Variants in BEST1 observed in about 807,000 individuals in gnomAD.
BEST1 encodes the protein bestrophin 1, also known as bestrophin-1.
A neutral mutation model predicts 63.3 loss-of-function variants in BEST1; 58 were observed. The ratio of observed to expected loss-of-function variants is 0.92; its 90% CI spans 0.74 to 1.14. BEST1 has a LOEUF of 1.14. BEST1 is among the 50% of genes most tolerant of loss of function. The pLI, the probability that BEST1 is intolerant of heterozygous loss-of-function variation, is 0.00. For missense variants in BEST1, 671 were observed against 740.1 expected (o/e 0.91, Z 1.08); for synonymous variants, 283 against 291.6 (o/e 0.97, Z 0.30).
Position 61,955,743 on chromosome 11 carries a change from C to G in BEST1, c.273C>G (p.Thr91=). Residue 91 remains threonine, a synonymous_variant, in exon 4 of 11, where the codon ACC becomes ACG. Transcript: ENST00000378043. ...VLGFYVTLVV[T]RWWNQYENLP... ...GCTTCTACGTGACGCTGGTCGTGACCCGCTGGTGGAACCAGTACGAGAACC... is the reference window on the plus strand; with the variant it reads ...GCTTCTACGTGACGCTGGTCGTGACGCGCTGGTGGAACCAGTACGAGAACC... 2 of 1,548,470 alleles carry G rather than the reference C, an allele frequency of 1.3e-6. No individual in the cohort carries two copies. The highest frequency in any genetic ancestry group is 2.4e-5 in the South Asian group (2 of 83,982).
intron 9 of BEST1, chr11:61,961,007 T>C (rs1391485653): frequency 6.6e-6 from 1 of 151,052 alleles, no homozygotes; most frequent in African/African-American, 2.5e-5. Flanking sequence ...AGTGCTGTTC[T>C]CGCTTGTTCT....
Position 61,957,445 on chromosome 11 carries a change from TC to T in BEST1, c.698del (p.Pro233HisfsTer8). On this transcript the variant is annotated frameshift_variant, in exon 6 of 11. Transcript: ENST00000378043. LOFTEE classifies it high-confidence loss of function. ...GHLYAYDWISIPLVYTQVVTV... is the reference protein window; with the variant it reads ...GHLYAYDWISXPLVYTQVVTV... ...CTGTATGCCTACGACTGGATTAGTA[TC>T]CCACTGGTGTATACACAGGTGAGGA... is the stretch of plus-strand genomic sequence containing the variant. The T allele has an allele frequency of 6.2e-7, 1 of 1,614,118 alleles. No homozygotes were observed. The highest frequency in any genetic ancestry group is 8.5e-7 in the Non-Finnish European group (1 of 1,180,002).
Position 61,962,243 on chromosome 11 carries a change from G to A in BEST1, c.1101-12G>A, listed in dbSNP as rs558172229. 3 of 1,613,676 alleles carry A rather than the reference G, an allele frequency of 1.9e-6. No homozygotes were observed. The highest frequency in any genetic ancestry group is 4.5e-5 in the East Asian group (2 of 44,878). On this transcript the variant is annotated splice_polypyrimidine_tract_variant and intron_variant, in intron 9 of 10. Coordinates refer to ENST00000378043, the MANE Select transcript of BEST1 (RefSeq NM_004183.4). ...CCACTGGCTCAGCCCTGCATCTCCT[G>A]TTTCTTTCCAGCCTGAACAAAGAGG...
At chr11:61,952,303 AAG>A (rs35510371) in intron 2 of BEST1, among the ~76,000 whole-genome samples, 57,409 of 146,690 alleles carry the variant, frequency 0.39, 14,269 homozygotes, top group Middle Eastern at 0.61. Flanking sequence ...TACATTAAAA[AAG>A]AGAGAGAGAG....
chr11:61,963,180 C>G, intron 10 of BEST1: 2 of 1,441,586 alleles, frequency 1.4e-6, no homozygotes, highest in Non-Finnish European at 1.8e-6. Context: ...TGCTGGAGAA[C>G]TGCCCCAGGG....
intron 3 of BEST1, chr11:61,955,489 G>T: frequency 8.4e-7 from 1 of 1,188,446 alleles, no homozygotes; most frequent in Non-Finnish European, 1.1e-6. Context: ...GGGTCTGGCG[G>T]ATTTCTGGGA....
Position 61,964,185 on chromosome 11 carries a change from A to G in BEST1, c.*63A>G, listed in dbSNP as rs1318990229. The stretch of plus-strand genomic sequence containing the variant: ...TCACCTGTGTGTACACCAGCAGGAC[A>G]CTGATCCAGTCACAGCCATACAGCT... On this transcript the variant is annotated 3_prime_UTR_variant, in exon 11 of 11. Transcript: ENST00000378043. The G allele has an allele frequency of 3.1e-6, 5 of 1,611,878 alleles. No individual in the cohort carries two copies. Among genetic ancestry groups the G allele is most frequent in the Non-Finnish European group, 4.2e-6 (5 of 1,179,344 alleles).
At chr11:61,958,342 G>A (rs1195105063) in intron 7 of BEST1, 44 bp downstream of exon 7, 2 of 1,613,836 alleles carry the variant, frequency 1.2e-6, no homozygotes, top group African/African-American at 1.3e-5. Flanking sequence ...CATGGCCAGA[G>A]GGGTCATGGC....
At chr11:61,962,919 C>A in intron 10 of BEST1, 26 bp downstream of exon 10, 1 of 1,614,204 alleles carries the variant, frequency 6.2e-7, no homozygotes, top group Non-Finnish European at 8.5e-7. Flanking sequence ...GAACCAGGGG[C>A]ACTGCATTGC....
chr11:61,958,907 T>TACACAC lies in BEST1; in HGVS notation c.868-580_868-575dup, dbSNP rs1214610136. ...ACACACACACACACACACACACACA[T>TACACAC]ACACACACACACACACGCATTCCTA... On this transcript the variant is annotated intron_variant, in intron 7 of 10. Coordinates refer to ENST00000378043, the MANE Select transcript of BEST1 (RefSeq NM_004183.4). 11 of 30,660 alleles carry TACACAC rather than the reference T, an allele frequency of 3.6e-4. 1 individual carries two copies. The highest frequency in any genetic ancestry group is 1.1e-3 in the South Asian group (1 of 890). 1.9% of individuals were successfully genotyped at this position (30,660 alleles called of 1,614,324 possible). A position where few individuals can be genotyped will look rare whatever the true frequency, so the allele number is the denominator to read the frequency against.
downstream of BEST1, chr11:61,964,646 G>A: frequency 7.0e-7 from 1 of 1,436,864 alleles, no homozygotes; most frequent in Non-Finnish European, 9.7e-7. Context: ...TATAGAAAAG[G>A]TAAAGGAAAC....
chr11:61,954,932 T>C, intron 2 of BEST1, 175 bp from the exon 3 acceptor site: 25 of 985,364 alleles, frequency 2.5e-5, no homozygotes, highest in Non-Finnish European at 2.9e-5. Flanking sequence ...GGTTTGGGGC[T>C]GTACAAGGAG....
chr11:61,963,011 A>G, intron 10 of BEST1, 118 bp downstream of exon 10: 1 of 1,588,406 alleles, frequency 6.3e-7, no homozygotes. Flanking sequence ...GCCAGAGCAC[A>G]CTGGACCTAC....
At chr11:61,963,012 C>G in intron 10 of BEST1, 119 bp downstream of exon 10, 1 of 1,588,480 alleles carries the variant, frequency 6.3e-7, no homozygotes, top group Non-Finnish European at 8.6e-7. Context: ...CCAGAGCACA[C>G]TGGACCTACG....
intron 2 of BEST1, among the ~76,000 whole-genome samples, chr11:61,954,235 A>G (rs1185112989): frequency 6.7e-6 from 1 of 148,732 alleles, no homozygotes; most frequent in Non-Finnish European, 1.5e-5. Flanking sequence ...CAGCCTCCCC[A>G]CTATCAACAC....
rs778186805 is a variant in BEST1, at chr11:61,951,765, T to C, written c.-36-6T>C. ...CAAACCCCCAATCGGTGTCCCTCTC[T>C]ACCAGGACCCAAGCCCACCTGCTGC... On this transcript the variant is annotated splice_region_variant and splice_polypyrimidine_tract_variant and intron_variant, in intron 1 of 10. Transcript: ENST00000378043. The C allele has an allele frequency of 2.5e-5, 40 of 1,608,492 alleles. No homozygotes were observed. Among genetic ancestry groups the C allele is most frequent in the Admixed American group, 5.0e-5 (3 of 60,000 alleles).
chr11:61,951,077 C>T (rs1360328014), intron 1 of BEST1, among the ~76,000 whole-genome samples: 2 of 152,202 alleles, frequency 1.3e-5, no homozygotes, highest in Non-Finnish European at 2.9e-5. Context: ...ATACTTCTCA[C>T]ACTAGGGTGG....
chr11:61,959,858 T>C, intron 8 of BEST1, 34 bp from the exon 9 acceptor site: 1 of 1,612,506 alleles, frequency 6.2e-7, no homozygotes, highest in South Asian at 1.1e-5. Flanking sequence ...TGGGATGATC[T>C]TTCTGTGGGA....
intron 7 of BEST1, 72 bp downstream of exon 7, chr11:61,958,370 G>A (rs368062221): frequency 7.5e-6 from 12 of 1,610,480 alleles, no homozygotes; most frequent in African/African-American, 4.0e-5. Context: ...TGCCTGAGAC[G>A]AGGATGCAGT....
Sources: gnomAD v4.1 joint callset for allele counts (sites outside exome capture counted in the v4.1 genomes callset) on GRCh38, gnomAD v4.1.1 for gene constraint, MANE v1.5 for transcripts, NCBI Gene and HGNC (gene_info 2026-07-23, HGNC 2026-07-21) for gene names.